Variants in GPR158 observed in about 807,000 individuals in gnomAD.
The protein encoded by GPR158 is metabotropic glycine receptor.
GPR158 carries 30 observed loss-of-function variants against 78.2 expected under a neutral mutation model. That is an observed-to-expected ratio of 0.38 (90% confidence interval 0.29 to 0.52). The LOEUF is 0.52. GPR158 is among the 20% of genes least tolerant of loss of function. GPR158 has a pLI of 0.83. For missense variants in GPR158, 1,463 were observed against 1,523.5 expected, an observed-to-expected ratio of 0.96 and a Z score of 0.66; for synonymous variants, 581 against 591.1, an observed-to-expected ratio of 0.98 and a Z score of 0.25.
chr10:25,372,937 A>G (rs574154919), intron 2 of GPR158, among the ~76,000 whole-genome samples: 4 of 152,112 alleles, frequency 2.6e-5, no homozygotes, highest in South Asian at 2.1e-4. Flanking sequence ...TGACTCAGCA[A>G]TCTTATTACT....
intron 2 of GPR158, among the ~76,000 whole-genome samples, chr10:25,384,635 T>A (rs1834198576): frequency 6.6e-6 from 1 of 152,220 alleles, no homozygotes; most frequent in South Asian, 2.1e-4. Flanking sequence ...ACACCTCTTT[T>A]CAGTCCAAGT....
intron 2 of GPR158, among the ~76,000 whole-genome samples, chr10:25,295,422 C>CTT (rs147896965): frequency 7.3e-5 from 11 of 151,418 alleles, no homozygotes; most frequent in African/African-American, 2.4e-4. Context: ...ACTTCTCTTT[C>CTT]TTTTTTTTTG....
intron 3 of GPR158, among the ~76,000 whole-genome samples, chr10:25,407,269 C>A (rs1257827095): frequency 6.6e-6 from 1 of 152,146 alleles, no homozygotes; most frequent in East Asian, 1.9e-4. Context: ...TCTGCATGTG[C>A]AGTTACAGAA....
At chr10:25,582,555 A>G (rs1031562602) in intron 7 of GPR158, among the ~76,000 whole-genome samples, 3 of 152,200 alleles carry the variant, frequency 2.0e-5, no homozygotes, top group Non-Finnish European at 2.9e-5. Context: ...CTGGCCTCAG[A>G]GAGCCCCCAG....
chr10:25,275,354 AT>A (rs2130747319), intron 2 of GPR158, among the ~76,000 whole-genome samples: 1 of 152,306 alleles, frequency 6.6e-6, no homozygotes, highest in Admixed American at 6.5e-5. Context: ...CACCCTAAAC[AT>A]TGGGAACCAC....
At chr10:25,566,821 A>G (rs1440486386) in intron 6 of GPR158, among the ~76,000 whole-genome samples, 8 of 152,216 alleles carry the variant, frequency 5.3e-5, no homozygotes, top group Admixed American at 5.2e-4. Flanking sequence ...TTACTTCTGA[A>G]AATGAAACTT....
At chr10:25,458,466 G>A (rs1835318397) in intron 4 of GPR158, among the ~76,000 whole-genome samples, 1 of 152,154 alleles carries the variant, frequency 6.6e-6, no homozygotes, top group Admixed American at 6.5e-5. Flanking sequence ...TCACTGATTT[G>A]GGAACCAGCA....
chr10:25,585,764 A>G (rs902261855), intron 7 of GPR158, among the ~76,000 whole-genome samples: 1 of 152,188 alleles, frequency 6.6e-6, no homozygotes, highest in Non-Finnish European at 1.5e-5. Flanking sequence ...GGATTGCTTG[A>G]GGCCAGAAGT....
chr10:25,249,467 T>A (rs1853757264), intron 2 of GPR158, among the ~76,000 whole-genome samples: 1 of 152,004 alleles, frequency 6.6e-6, no homozygotes, highest in African/African-American at 2.4e-5. Context: ...ATAGCTCTTA[T>A]TATTTTGAAA....
chr10:25,241,379 C>CTCTTCTCTTT, intron 2 of GPR158, among the ~76,000 whole-genome samples: 1 of 123,266 alleles, frequency 8.1e-6, no homozygotes, highest in East Asian at 2.2e-4. Context: ...TTTCTCTCTT[C>CTCTTCTCTTT]TCTTCTCTTC....
intron 5 of GPR158, among the ~76,000 whole-genome samples, chr10:25,539,012 A>T (rs528440393): frequency 6.6e-6 from 1 of 152,226 alleles, no homozygotes; most frequent in South Asian, 2.1e-4. Context: ...GAGACCAGGG[A>T]GGGCACCTGG....
chr10:25,231,844 A>G (rs1022954387), intron 2 of GPR158, among the ~76,000 whole-genome samples: 1 of 152,184 alleles, frequency 6.6e-6, no homozygotes, highest in Non-Finnish European at 1.5e-5. Flanking sequence ...AATATATGTT[A>G]TGGACTCTAA....
chr10:25,596,608 G>A (rs916419260), intron 9 of GPR158, 35 bp from the exon 10 acceptor site: 3 of 1,569,632 alleles, frequency 1.9e-6, no homozygotes, highest in Non-Finnish European at 2.6e-6. Flanking sequence ...GTTACAGTGA[G>A]CTAATGTCTA....
At chr10:25,582,254 T>C (rs1166517737) in intron 7 of GPR158, among the ~76,000 whole-genome samples, 1 of 152,182 alleles carries the variant, frequency 6.6e-6, no homozygotes, top group Admixed American at 6.5e-5. Flanking sequence ...GACCCTGTGC[T>C]CTGAGAGGAC....
chr10:25,271,691 C>A (rs931600753), intron 2 of GPR158, among the ~76,000 whole-genome samples: 1 of 152,144 alleles, frequency 6.6e-6, no homozygotes, highest in Non-Finnish European at 1.5e-5. Context: ...GATGGAGTTT[C>A]CTTCTTGTTG....
chr10:25,392,416 A>G (rs146533823), intron 2 of GPR158, among the ~76,000 whole-genome samples: 260 of 152,362 alleles, frequency 1.7e-3, no homozygotes, highest in African/African-American at 5.8e-3. Context: ...CTGAGTGGGC[A>G]TAATGTGCCT....
Position 25,370,418 on chromosome 10 carries a change from T to A in GPR158, c.1009-25493T>A, listed in dbSNP as rs7478594. Among the ~76,000 whole-genome samples the A allele has an allele frequency of 8.3e-5, 3 of 36,062 alleles. 1 individual carries two copies. The highest frequency in any genetic ancestry group is 2.3e-4 in the Non-Finnish European group (3 of 12,826). 23.7% of individuals were successfully genotyped at this position (36,062 alleles called of 152,430 possible). Reference sequence around the variant, plus strand: ...ACATCTTTATTTCTGCCTTCATTTCTTTATGTACCCAGTAGTCATTCAGGA... The same window carrying A: ...ACATCTTTATTTCTGCCTTCATTTCATTATGTACCCAGTAGTCATTCAGGA... On this transcript the variant is annotated intron_variant, in intron 2 of 10. Transcript: ENST00000376351.
At chr10:25,181,815 T>A (rs1305466668) in intron 1 of GPR158, among the ~76,000 whole-genome samples, 1 of 152,130 alleles carries the variant, frequency 6.6e-6, no homozygotes, top group Non-Finnish European at 1.5e-5. Flanking sequence ...CCTCCCAGGC[T>A]CAAGTGATCC....
chr10:25,527,298 T>G (rs1836362257), intron 5 of GPR158, among the ~76,000 whole-genome samples: 1 of 152,158 alleles, frequency 6.6e-6, no homozygotes, highest in Admixed American at 6.5e-5. Context: ...ACTACACATT[T>G]TTTTAAAGTA....
Sources: gnomAD v4.1 joint callset for allele counts (sites outside exome capture counted in the v4.1 genomes callset) on GRCh38, gnomAD v4.1.1 for gene constraint, MANE v1.5 for transcripts, NCBI Gene and HGNC (gene_info 2026-07-23, HGNC 2026-07-21) for gene names.